TUSC3: variants seen among roughly 807,000 people sequenced by gnomAD.
TUSC3 encodes dolichyl-diphosphooligosaccharide--protein glycosyltransferase subunit TUSC3.
Under a neutral mutation model 44.8 loss-of-function variants are expected in TUSC3, and 45 were observed. The ratio of observed to expected loss-of-function variants is 1.00; its 90% CI spans 0.79 to 1.29. The LOEUF is 1.29. Ranked by LOEUF, TUSC3 falls within the 50% of genes most tolerant of loss-of-function variation. The pLI, the probability that TUSC3 is intolerant of heterozygous loss-of-function variation, is 0.00. For synonymous variants in TUSC3, 212 were observed against 152.9 expected (o/e 1.39, Z -2.85); for missense variants, 519 against 437.9 (o/e 1.19, Z -1.65).
chr8:15,443,336 T>TTGTGTGTGTGTGTGTGTGTG (rs57905950), intron 1 of TUSC3, among the ~76,000 whole-genome samples: 1 of 132,884 alleles, frequency 7.5e-6, no homozygotes, highest in Non-Finnish European at 1.6e-5. Context: ...ACCCACCTAA[T>TTGTGTGTGTGTGTGTGTGTG]TGTGTGTGTG....
chr8:15,615,452 A>G (rs1038062722), intron 1 of TUSC3, among the ~76,000 whole-genome samples: 3 of 152,208 alleles, frequency 2.0e-5, no homozygotes, highest in African/African-American at 4.8e-5. Context: ...TAGAATTACA[A>G]TTATTAGAGG....
intron 6 of TUSC3, among the ~76,000 whole-genome samples, chr8:15,705,379 T>A (rs930426405): frequency 6.6e-6 from 1 of 152,120 alleles, no homozygotes; most frequent in African/African-American, 2.4e-5. Flanking sequence ...CAGAATCTAT[T>A]CATTTTTATG....
chr8:15,648,636 G>A (rs75079668), intron 2 of TUSC3, among the ~76,000 whole-genome samples: 1 of 146,134 alleles, frequency 6.8e-6, no homozygotes, highest in African/African-American at 2.5e-5. Context: ...TGAGGCAGGA[G>A]AATGGCGTCA....
At chr8:15,775,645 T>TATGTAC in the TUSC3 span, among the ~76,000 whole-genome samples, 2 of 134,494 alleles carry the variant, frequency 1.5e-5, no homozygotes, top group Non-Finnish European at 3.2e-5. Flanking sequence ...TATATATATA[T>TATGTAC]ATATACACAC....
intron 2 of TUSC3, among the ~76,000 whole-genome samples, chr8:15,633,822 G>T (rs1263233691): frequency 6.6e-6 from 1 of 151,936 alleles, no homozygotes; most frequent in African/African-American, 2.4e-5. Context: ...GAACTATGAG[G>T]TTTTTTTTGT....
the TUSC3 span, among the ~76,000 whole-genome samples, chr8:15,840,024 A>G: frequency 6.6e-6 from 1 of 152,168 alleles, no homozygotes; most frequent in Non-Finnish European, 1.5e-5. Context: ...TGGCACATAT[A>G]CACCATGGAA....
At chr8:15,762,154 A>G (rs1563211613) in intron 10 of TUSC3, among the ~76,000 whole-genome samples, 1 of 151,902 alleles carries the variant, frequency 6.6e-6, no homozygotes, top group Non-Finnish European at 1.5e-5. Context: ...CAGTCAAAAC[A>G]TTTTTGACAT....
At chr8:15,779,092 T>C in the TUSC3 span, among the ~76,000 whole-genome samples, 3 of 130,774 alleles carry the variant, frequency 2.3e-5, no homozygotes, top group Non-Finnish European at 4.7e-5. Flanking sequence ...CACCCTCGAA[T>C]GTTTTCTTTT....
At chr8:15,640,208 T>G (rs1408348681) in intron 2 of TUSC3, among the ~76,000 whole-genome samples, 1 of 152,234 alleles carries the variant, frequency 6.6e-6, no homozygotes, top group African/African-American at 2.4e-5. Context: ...CCAACCTTCT[T>G]GGGCACTGAA....
chr8:15,677,092 C>T (rs991309783), intron 6 of TUSC3, among the ~76,000 whole-genome samples: 4 of 152,000 alleles, frequency 2.6e-5, no homozygotes, highest in African/African-American at 7.2e-5. Flanking sequence ...GATCATAGCT[C>T]ACCGCAGCCT....
rs762831751 is a variant in TUSC3, at chr8:15,650,796, G to A, written c.408G>A (p.Gly136=). 3.2e-5 allele frequency: 51 copies of A among 1,613,922 alleles called. No homozygotes were observed. The highest frequency in any genetic ancestry group is 4.1e-5 in the Non-Finnish European group (48 of 1,179,972). ...TCAGTATGGTGGACTATGATGAGGG[G>A]ACAGACGTTTTTCAGCAGGTAAAGA... is the stretch of plus-strand genomic sequence containing the variant. ...LFFSMVDYDE[G]TDVFQQLNMN... The change falls in exon 3 of 11, where the codon GGG becomes GGA. Residue 136 remains glycine, a synonymous_variant. Coordinates refer to ENST00000503731, the MANE Select transcript of TUSC3 (RefSeq NM_006765.4).
chr8:15,461,826 A>G (rs1033267277), intron 1 of TUSC3, among the ~76,000 whole-genome samples: 1 of 152,004 alleles, frequency 6.6e-6, no homozygotes, highest in African/African-American at 2.4e-5. Context: ...AGATTTGTAT[A>G]TATAATCAAA....
intron 1 of TUSC3, among the ~76,000 whole-genome samples, chr8:15,587,999 T>A (rs968325655): frequency 6.6e-6 from 1 of 152,172 alleles, no homozygotes; most frequent in Non-Finnish European, 1.5e-5. Context: ...TTGGCAATTG[T>A]GAATAGCATT....
At chr8:15,718,580 A>G (rs1234121697) in intron 6 of TUSC3, among the ~76,000 whole-genome samples, 1 of 152,130 alleles carries the variant, frequency 6.6e-6, no homozygotes, top group African/African-American at 2.4e-5. Context: ...TTAACGATAC[A>G]CATCTTCTAA....
intron 1 of TUSC3, among the ~76,000 whole-genome samples, chr8:15,466,845 T>A (rs1055523990): frequency 6.6e-6 from 1 of 152,162 alleles, no homozygotes; most frequent in Non-Finnish European, 1.5e-5. Flanking sequence ...TGATTGTCAG[T>A]TGTTCCACTG....
chr8:15,538,918 G>A (rs915707563), upstream of TUSC3, among the ~76,000 whole-genome samples: 6 of 151,184 alleles, frequency 4.0e-5, no homozygotes, highest in African/African-American at 1.2e-4. Context: ...AGCATGATCG[G>A]AACTCACTGT....
intron 1 of TUSC3, among the ~76,000 whole-genome samples, chr8:15,442,638 A>C (rs1204328955): frequency 6.6e-6 from 1 of 152,190 alleles, no homozygotes; most frequent in Non-Finnish European, 1.5e-5. Context: ...TTCCATCCAC[A>C]GACACCTCCC....
At position 15,430,897 on chromosome 8, in the gene TUSC3, A is replaced by G. The variant is rs574181225; in HGVS notation, n.91+13592A>G. ...CTGATTATCCAGATTTTTGTACACCAGTTACTAAAGAGACTGTCCTTTCCC... is the reference window on the plus strand; with the variant it reads ...CTGATTATCCAGATTTTTGTACACCGGTTACTAAAGAGACTGTCCTTTCCC... On this transcript the variant is annotated intron_variant and non_coding_transcript_variant, in intron 1 of 5. Transcript: ENST00000503191. Among the ~76,000 whole-genome samples, 23 of 151,910 alleles carry G rather than the reference A, an allele frequency of 1.5e-4. 1 individual carries two copies. In the South Asian group the frequency reaches 3.9e-3, roughly 26 times the overall value.
chr8:15,599,960 G>T (rs1028760679), intron 1 of TUSC3, among the ~76,000 whole-genome samples: 5 of 151,418 alleles, frequency 3.3e-5, no homozygotes, highest in Non-Finnish European at 7.4e-5. Flanking sequence ...GTTTCTTGTC[G>T]ATTCTTTTGA....
Sources: allele counts gnomAD v4.1 joint callset (sites outside exome capture counted in the v4.1 genomes callset), GRCh38; gene constraint gnomAD v4.1.1; transcripts MANE v1.5; gene names NCBI Gene and HGNC (gene_info 2026-07-23, HGNC 2026-07-21).